ZDHHC14: variants seen among roughly 807,000 people sequenced by gnomAD.
ZDHHC14 encodes the protein palmitoyltransferase ZDHHC14.
Under a neutral mutation model 47.7 loss-of-function variants are expected in ZDHHC14, and 16 were observed. The observed-to-expected ratio is 0.34, with a 90% CI of 0.23 to 0.51. The LOEUF (loss-of-function observed/expected upper bound fraction) is 0.51. ZDHHC14 is among the 20% of genes least tolerant of loss of function. The pLI, the probability that ZDHHC14 is intolerant of heterozygous loss-of-function variation, is 0.97. For synonymous variants in ZDHHC14, 293 were observed against 278.9 expected (o/e 1.05, Z -0.50); for missense variants, 515 against 662.5 (o/e 0.78, Z 2.44).
At chr6:157,545,254 C>A (rs1198535393) in intron 2 of ZDHHC14, among the ~76,000 whole-genome samples, 1 of 151,946 alleles carries the variant, frequency 6.6e-6, no homozygotes, top group African/African-American at 2.4e-5. Context: ...GGATTATGAA[C>A]ATGGTCTAAA....
chr6:157,645,663 T>G, intron 5 of ZDHHC14, 74 bp from the exon 6 acceptor site: 1 of 1,228,544 alleles, frequency 8.1e-7, no homozygotes. Flanking sequence ...CGGGGGTGTT[T>G]CGGTTCCAGG....
intron 1 of ZDHHC14, among the ~76,000 whole-genome samples, chr6:157,429,541 C>T (rs1778294136): frequency 1.5e-5 from 2 of 131,312 alleles, no homozygotes; most frequent in South Asian, 5.4e-4. Flanking sequence ...ATATTAGAGG[C>T]TCACTAGCTG....
chr6:157,455,249 T>G (rs1436897489), intron 1 of ZDHHC14, among the ~76,000 whole-genome samples: 2 of 152,198 alleles, frequency 1.3e-5, no homozygotes, highest in Non-Finnish European at 2.9e-5. Flanking sequence ...GCAGAAAGAC[T>G]CGGTCTTCCT....
At chr6:157,601,641 T>C (rs1784339419) in intron 3 of ZDHHC14, among the ~76,000 whole-genome samples, 1 of 152,170 alleles carries the variant, frequency 6.6e-6, no homozygotes, top group South Asian at 2.1e-4. Context: ...ATTAGAAGAA[T>C]ATACAAACAA....
intron 1 of ZDHHC14, among the ~76,000 whole-genome samples, chr6:157,509,819 GA>G (rs1026707241): frequency 6.6e-6 from 1 of 152,202 alleles, no homozygotes; most frequent in African/African-American, 2.4e-5. Flanking sequence ...AATTGAAAAG[GA>G]AGGCATGCTA....
chr6:157,392,302 G>A (rs758276285), intron 1 of ZDHHC14, among the ~76,000 whole-genome samples: 18 of 152,122 alleles, frequency 1.2e-4, no homozygotes, highest in Non-Finnish European at 2.2e-4. Flanking sequence ...CTTTATCATA[G>A]ATCTTCATCT....
chr6:157,578,597 T>G (rs1783394150), intron 2 of ZDHHC14, among the ~76,000 whole-genome samples: 1 of 152,220 alleles, frequency 6.6e-6, no homozygotes, highest in Admixed American at 6.5e-5. Flanking sequence ...TCTTGAATTG[T>G]AATCCCCATA....
chr6:157,513,064 G>T (rs947065759), intron 1 of ZDHHC14, among the ~76,000 whole-genome samples: 1 of 152,232 alleles, frequency 6.6e-6, no homozygotes, highest in Admixed American at 6.5e-5. Flanking sequence ...ACGGGACTTT[G>T]TTAAATAATG....
At chr6:157,420,425 GTA>G (rs1172175347) in intron 1 of ZDHHC14, among the ~76,000 whole-genome samples, 2 of 150,984 alleles carry the variant, frequency 1.3e-5, no homozygotes. Flanking sequence ...AGGAGAGAAG[GTA>G]TAGTCATTGA....
At chr6:157,640,344 G>T (rs558361859) in intron 5 of ZDHHC14, among the ~76,000 whole-genome samples, 3 of 152,194 alleles carry the variant, frequency 2.0e-5, no homozygotes, top group African/African-American at 4.8e-5. Flanking sequence ...TCATCCCCAA[G>T]TTGCATTCAC....
intron 1 of ZDHHC14, among the ~76,000 whole-genome samples, chr6:157,513,530 A>G (rs1259124233): frequency 2.0e-5 from 3 of 152,230 alleles, no homozygotes; most frequent in Non-Finnish European, 4.4e-5. Flanking sequence ...CAACATTGAC[A>G]TAAGCCTTGG....
intron 1 of ZDHHC14, among the ~76,000 whole-genome samples, chr6:157,500,100 A>G (rs1222432029): frequency 6.6e-6 from 1 of 152,224 alleles, no homozygotes; most frequent in Non-Finnish European, 1.5e-5. Flanking sequence ...GTGTTAGATT[A>G]GTTAGTCAGG....
rs560395121 is a variant in ZDHHC14 at position 157,615,064 on chromosome 6, C to T, written c.566-13285C>T. 5.3e-5 allele frequency among the ~76,000 whole-genome samples: 8 copies of T among 152,226 alleles called. No individual in the cohort carries two copies. In the South Asian group the frequency reaches 1.2e-3, roughly 24 times the overall value. ...AATTACAGGCATGAGCCACTGTGCC[C>T]GGCCAATTCTTAATGATTTTTAAGC... On this transcript the variant is annotated intron_variant, in intron 3 of 8. Transcript: ENST00000359775.
At chr6:157,496,518 C>A (rs989719590) in intron 1 of ZDHHC14, among the ~76,000 whole-genome samples, 12 of 152,134 alleles carry the variant, frequency 7.9e-5, no homozygotes, top group African/African-American at 2.2e-4. Flanking sequence ...TATGGGTAGA[C>A]CCTAATCAGA....
intron 1 of ZDHHC14, among the ~76,000 whole-genome samples, chr6:157,431,088 C>T (rs1241705442): frequency 6.6e-6 from 1 of 152,152 alleles, no homozygotes; most frequent in Non-Finnish European, 1.5e-5. Context: ...ATACGGGACA[C>T]AAGGTGAAAG....
intron 1 of ZDHHC14, among the ~76,000 whole-genome samples, chr6:157,407,200 G>A (rs1000446789): frequency 5.9e-5 from 9 of 152,132 alleles, no homozygotes; most frequent in South Asian, 2.1e-4. Flanking sequence ...ACTGAGATAC[G>A]GACTTGGGCT....
At chr6:157,446,618 C>T (rs1490767511) in intron 1 of ZDHHC14, among the ~76,000 whole-genome samples, 1 of 151,858 alleles carries the variant, frequency 6.6e-6, no homozygotes, top group Non-Finnish European at 1.5e-5. Context: ...CCATGTTGGC[C>T]AGGCTGGCCT....
intron 2 of ZDHHC14, among the ~76,000 whole-genome samples, chr6:157,546,219 T>C (rs1303056167): frequency 1.3e-5 from 2 of 152,236 alleles, no homozygotes; most frequent in African/African-American, 4.8e-5. Context: ...TCCTCCCGTA[T>C]ACTACTTGGC....
intron 1 of ZDHHC14, among the ~76,000 whole-genome samples, chr6:157,508,532 A>AT (rs1365560565): frequency 9.2e-5 from 14 of 151,820 alleles, no homozygotes; most frequent in Admixed American, 9.2e-4. Flanking sequence ...TGTCTGAGTA[A>AT]TTTTTTTATT....
Sources: gnomAD v4.1 joint callset for allele counts (sites outside exome capture counted in the v4.1 genomes callset) on GRCh38, gnomAD v4.1.1 for gene constraint, MANE v1.5 for transcripts, NCBI Gene and HGNC (gene_info 2026-07-23, HGNC 2026-07-21) for gene names.